TXNDC9: variants seen among roughly 807,000 people sequenced by gnomAD.
TXNDC9 encodes thioredoxin domain-containing protein 9.
In TXNDC9, 7 loss-of-function variants were observed where a neutral mutation model predicts 23.0. That is an observed-to-expected ratio of 0.30 (90% CI 0.17 to 0.57). TXNDC9 has a LOEUF of 0.57. Among genes scored for constraint, TXNDC9 ranks in the 20% least tolerant of loss-of-function variants. The pLI is 0.90. For synonymous variants in TXNDC9, 72 were observed against 90.6 expected, an observed-to-expected ratio of 0.79 and a Z score of 1.17; for missense variants, 198 against 252.6, an observed-to-expected ratio of 0.78 and a Z score of 1.47.
intron 1 of TXNDC9, among the ~76,000 whole-genome samples, chr2:99,334,153 C>T (rs76753140): frequency 6.6e-6 from 1 of 152,306 alleles, no homozygotes; most frequent in African/African-American, 2.4e-5. Context: ...ATGTTTGAGA[C>T]CAGCCTGGGA....
intron 3 of TXNDC9, among the ~76,000 whole-genome samples, chr2:99,327,297 C>T (rs1247455227): frequency 6.6e-6 from 1 of 152,126 alleles, no homozygotes; most frequent in Non-Finnish European, 1.5e-5. Context: ...GTCTTGAACT[C>T]CTGACCTCAA....
chr2:99,320,083 C>T (rs1197138702), intron 4 of TXNDC9, among the ~76,000 whole-genome samples: 1 of 152,210 alleles, frequency 6.6e-6, no homozygotes, highest in Admixed American at 6.5e-5. Context: ...TCACAGCTCA[C>T]TGCAACCTCC....
At chr2:99,308,875 C>A in the TXNDC9 span, among the ~76,000 whole-genome samples, 1 of 151,970 alleles carries the variant, frequency 6.6e-6, no homozygotes, top group Non-Finnish European at 1.5e-5. Flanking sequence ...CCACGCCTGG[C>A]TAATTTTTAG....
intron 2 of TXNDC9, among the ~76,000 whole-genome samples, chr2:99,331,351 G>A (rs1320516163): frequency 1.3e-5 from 2 of 151,806 alleles, no homozygotes; most frequent in Non-Finnish European, 1.5e-5. Flanking sequence ...TGAGGCAGGC[G>A]GATCATTTGA....
the TXNDC9 span, among the ~76,000 whole-genome samples, chr2:99,306,449 G>T: frequency 1.6e-4 from 24 of 152,242 alleles, no homozygotes; most frequent in Non-Finnish European, 3.4e-4. Flanking sequence ...CCTGTAGGAA[G>T]GCCTAATGCA....
chr2:99,324,380 T>C (rs753964764), intron 3 of TXNDC9, among the ~76,000 whole-genome samples: 145 of 152,320 alleles, frequency 9.5e-4, no homozygotes, highest in Middle Eastern at 3.4e-3. Flanking sequence ...CTCATCACTT[T>C]TTCCCCGGAT....
intron 3 of TXNDC9, chr2:99,322,463 A>G (rs2094204692): frequency 5.3e-6 from 7 of 1,310,954 alleles, no homozygotes; most frequent in Non-Finnish European, 5.1e-6. Context: ...AAAATATTAA[A>G]TATATGCTTT....
At chr2:99,321,243 A>G (rs2094201019) in intron 4 of TXNDC9, 1 of 152,180 alleles carries the variant, frequency 6.6e-6, no homozygotes, top group African/African-American at 2.4e-5. Flanking sequence ...CTACTTCCTG[A>G]AAGGCACCAT....
intron 3 of TXNDC9, among the ~76,000 whole-genome samples, chr2:99,327,287 G>C (rs1483696833): frequency 2.0e-5 from 3 of 152,140 alleles, no homozygotes; most frequent in Non-Finnish European, 2.9e-5. Flanking sequence ...GGCCAGGCTG[G>C]TCTTGAACTC....
At chr2:99,335,909 G>A (rs2094238468) in intron 1 of TXNDC9, among the ~76,000 whole-genome samples, 1 of 152,224 alleles carries the variant, frequency 6.6e-6, no homozygotes, top group African/African-American at 2.4e-5. Flanking sequence ...GGTGGGACGG[G>A]ACACAGCGCG....
chr2:99,321,418 A>T (rs2094201435), intron 4 of TXNDC9: 1 of 152,258 alleles, frequency 6.6e-6, no homozygotes, highest in Admixed American at 6.5e-5. Flanking sequence ...TTCAAACTAA[A>T]ACTGTTCTTC....
At chr2:99,318,939 C>T (rs983204003), downstream of TXNDC9, 15 of 152,228 alleles carry the variant, frequency 9.9e-5, no homozygotes, top group African/African-American at 2.7e-4. Flanking sequence ...GCTCCAATGC[C>T]ACAGACTCCC....
intron 1 of TXNDC9, among the ~76,000 whole-genome samples, chr2:99,334,306 A>G (rs1372394698): frequency 6.6e-6 from 1 of 152,196 alleles, no homozygotes. Context: ...GTGGGCTGAG[A>G]ACGCACCACT....
At chr2:99,332,830 T>C (rs1255237927) in intron 2 of TXNDC9, 192 bp downstream of exon 2, 2 of 552,196 alleles carry the variant, frequency 3.6e-6, no homozygotes, top group African/African-American at 1.9e-5. Context: ...TGGATTAATA[T>C]AGAGATTGGG....
At chr2:99,309,089 T>A in the TXNDC9 span, among the ~76,000 whole-genome samples, 1 of 151,810 alleles carries the variant, frequency 6.6e-6, no homozygotes, top group African/African-American at 2.4e-5. Context: ...AAATTAAAAA[T>A]AGCTTTAAAA....
intron 4 of TXNDC9, among the ~76,000 whole-genome samples, chr2:99,320,788 A>G (rs1170100392): frequency 6.6e-6 from 1 of 152,230 alleles, no homozygotes; most frequent in African/African-American, 2.4e-5. Context: ...GGTTCCCAAA[A>G]TACTTCATAG....
At chr2:99,322,268 A>C in intron 3 of TXNDC9, 59 bp from the exon 4 acceptor site, 1 of 1,554,724 alleles carries the variant, frequency 6.4e-7, no homozygotes, top group Admixed American at 2.0e-5. Flanking sequence ...TTTTTTCAAA[A>C]TAAATATCAT....
rs116484605 is a variant in TXNDC9, at chr2:99,332,943, A to T, written c.189+79T>A. ...CCCTAAACACAAAGAACGAAATGTA[A>T]CTACTACAGCACATGTATATATAAG... On this transcript the variant is annotated intron_variant, in intron 2 of 4. Transcript: ENST00000264255. 3.1e-3 allele frequency: 3,577 copies of T among 1,153,728 alleles called. 97 individuals carry two copies. In the African/African-American group the frequency reaches 0.049, roughly 16 times the overall value. The allele number at this position is 1,153,728 out of a possible 1,614,324, so 71.5% of individuals were successfully genotyped here.
At chr2:99,331,565 TAC>T (rs2094225606) in intron 2 of TXNDC9, among the ~76,000 whole-genome samples, 1 of 149,446 alleles carries the variant, frequency 6.7e-6, no homozygotes, top group Admixed American at 6.6e-5. Flanking sequence ...TTTTTTAAAA[TAC>T]GGTAGGGTAC....
Sources: allele counts gnomAD v4.1 joint callset (sites outside exome capture counted in the v4.1 genomes callset), GRCh38; gene constraint gnomAD v4.1.1; transcripts MANE v1.5; gene names NCBI Gene and HGNC (gene_info 2026-07-23, HGNC 2026-07-21).